The following CAST variants were observed in gnomAD, a reference collection of about 807,000 sequenced individuals.
CAST encodes the protein MIR583 host.
Under a neutral mutation model 119.6 loss-of-function variants are expected in CAST, and 76 were observed. That is an observed-to-expected ratio of 0.64 (90% CI 0.53 to 0.77). CAST has a LOEUF of 0.77. CAST is among the 30% of genes least tolerant of loss of function. The pLI is 0.00. For missense variants in CAST, 953 were observed against 946.5 expected (o/e 1.01, Z -0.09); for synonymous variants, 319 against 331.6 (o/e 0.96, Z 0.41).
the CAST span, among the ~76,000 whole-genome samples, chr5:96,237,247 G>A: frequency 4.6e-5 from 7 of 152,160 alleles, no homozygotes; most frequent in Non-Finnish European, 1.0e-4. Context: ...GAGAAGTATG[G>A]CCTGAGAGGA....
intron 1 of CAST, among the ~76,000 whole-genome samples, chr5:96,548,581 G>A (rs568606043): frequency 7.9e-5 from 12 of 151,928 alleles, no homozygotes; most frequent in Admixed American, 1.3e-4. Context: ...CCTCTGCTAC[G>A]CTGGGTGTCA....
chr5:96,232,683 A>T, the CAST span, among the ~76,000 whole-genome samples: 1 of 152,134 alleles, frequency 6.6e-6, no homozygotes, highest in South Asian at 2.1e-4. Flanking sequence ...CCAAGAAAGA[A>T]AGAGAAATTA....
the CAST span, among the ~76,000 whole-genome samples, chr5:95,987,095 T>C: frequency 6.6e-6 from 1 of 152,152 alleles, no homozygotes; most frequent in African/African-American, 2.4e-5. Context: ...ATCCCTGAGC[T>C]GAGCTTTCCT....
intron 3 of CAST, among the ~76,000 whole-genome samples, chr5:96,719,275 C>T (rs929670585): frequency 6.6e-6 from 1 of 152,164 alleles, no homozygotes; most frequent in African/African-American, 2.4e-5. Flanking sequence ...AGCCTCCCAC[C>T]TCAGCCTTCC....
intron 1 of CAST, among the ~76,000 whole-genome samples, chr5:96,646,809 C>T (rs1195032081): frequency 3.9e-5 from 6 of 152,068 alleles, no homozygotes; most frequent in Non-Finnish European, 5.9e-5. Flanking sequence ...AAATCAAGTG[C>T]ATGTATAATG....
At chr5:96,690,214 C>T (rs1390993490) in intron 2 of CAST, among the ~76,000 whole-genome samples, 1 of 152,006 alleles carries the variant, frequency 6.6e-6, no homozygotes, top group Non-Finnish European at 1.5e-5. Flanking sequence ...ACATTTCATT[C>T]AGTATGTGAA....
chr5:95,993,625 C>G, the CAST span, among the ~76,000 whole-genome samples: 1 of 152,088 alleles, frequency 6.6e-6, no homozygotes, highest in Non-Finnish European at 1.5e-5. Context: ...TACAAGAAAA[C>G]AATCAACAAT....
the CAST span, among the ~76,000 whole-genome samples, chr5:95,999,878 TAA>T: frequency 6.6e-6 from 1 of 152,230 alleles, no homozygotes; most frequent in Non-Finnish European, 1.5e-5. Flanking sequence ...TAACAACATA[TAA>T]GAGTCCCCAT....
chr5:96,682,470 T>C (rs1751550868), intron 2 of CAST, among the ~76,000 whole-genome samples: 1 of 152,240 alleles, frequency 6.6e-6, no homozygotes, highest in Non-Finnish European at 1.5e-5. Flanking sequence ...ATGAAGGTAA[T>C]ACCATCTTGT....
At chr5:96,397,611 C>A in the CAST span, 1 of 714,778 alleles carries the variant, frequency 1.4e-6, no homozygotes, top group Non-Finnish European at 2.4e-6. Flanking sequence ...GATAGAGACA[C>A]TCACAAGGAA....
the CAST span, among the ~76,000 whole-genome samples, chr5:96,420,397 G>A: frequency 1.3e-4 from 20 of 152,276 alleles, no homozygotes; most frequent in African/African-American, 2.9e-4. Flanking sequence ...GTAAGCTCTC[G>A]AAACACTCCC....
At chr5:96,585,427 A>T (rs7735789) in intron 1 of CAST, among the ~76,000 whole-genome samples, 1 of 152,326 alleles carries the variant, frequency 6.6e-6, no homozygotes, top group South Asian at 2.1e-4. Flanking sequence ...ATCTAAACTT[A>T]TTCATAGAAT....
At chr5:96,046,649 C>T in the CAST span, among the ~76,000 whole-genome samples, 1 of 152,178 alleles carries the variant, frequency 6.6e-6, no homozygotes, top group Non-Finnish European at 1.5e-5. Flanking sequence ...AACTTCTTTA[C>T]TTATTCACAA....
the CAST span, among the ~76,000 whole-genome samples, chr5:96,193,716 G>A: frequency 6.6e-6 from 1 of 152,102 alleles, no homozygotes; most frequent in Admixed American, 6.5e-5. Flanking sequence ...TCTGGTTGTT[G>A]GAATTCAGGT....
chr5:96,227,460 T>G, the CAST span, among the ~76,000 whole-genome samples: 1 of 152,160 alleles, frequency 6.6e-6, no homozygotes, highest in African/African-American at 2.4e-5. Context: ...ACCTCAAAAA[T>G]AGGTGCAGCT....
chr5:96,524,957 G>A (rs921856834), upstream of CAST, among the ~76,000 whole-genome samples: 11 of 152,188 alleles, frequency 7.2e-5, no homozygotes, highest in African/African-American at 2.2e-4. Context: ...GCTCCAAGAC[G>A]GAAGTGGGAA....
chr5:96,276,030 C>A, the CAST span, among the ~76,000 whole-genome samples: 1 of 152,164 alleles, frequency 6.6e-6, no homozygotes, highest in Non-Finnish European at 1.5e-5. Context: ...TGATTCTTAG[C>A]CAGTGGTCTT....
chr5:96,126,219 C>A, the CAST span, among the ~76,000 whole-genome samples: 1 of 152,050 alleles, frequency 6.6e-6, no homozygotes, highest in East Asian at 1.9e-4. Flanking sequence ...ATTTCTCAAA[C>A]TCAAAAAGTG....
chr5:96,314,630 C>T, the CAST span, among the ~76,000 whole-genome samples: 13 of 152,128 alleles, frequency 8.5e-5, no homozygotes, highest in African/African-American at 3.1e-4. Context: ...CTGGGTAATT[C>T]TTACTTGTTC....
Sources: allele counts gnomAD v4.1 joint callset (sites outside exome capture counted in the v4.1 genomes callset), GRCh38; gene constraint gnomAD v4.1.1; transcripts MANE v1.5; gene names NCBI Gene and HGNC (gene_info 2026-07-23, HGNC 2026-07-21).